Variants in NRXN1 observed in about 807,000 individuals in gnomAD.
NRXN1 encodes neurexin-1.
A neutral mutation model predicts 150.9 loss-of-function variants in NRXN1; 39 were observed. The ratio of observed to expected loss-of-function variants is 0.26; its 90% CI spans 0.20 to 0.34. The LOEUF (loss-of-function observed/expected upper bound fraction) is 0.34, where lower values mean the gene tolerates loss of function less well. NRXN1 is among the 10% of genes least tolerant of loss of function. The pLI is 1.00. For missense variants in NRXN1, 1,815 were observed against 1,949.9 expected (o/e 0.93, Z 1.30); for synonymous variants, 924 against 757.0 (o/e 1.22, Z -3.62).
chr2:50,320,971 C>T (rs978451026), intron 17 of NRXN1, among the ~76,000 whole-genome samples: 1 of 152,156 alleles, frequency 6.6e-6, no homozygotes, highest in Non-Finnish European at 1.5e-5. Context: ...GTAGGAAAAT[C>T]TGTGGTGGCA....
chr2:50,859,536 C>T (rs1050997770), intron 5 of NRXN1, among the ~76,000 whole-genome samples: 1 of 150,292 alleles, frequency 6.7e-6, no homozygotes, highest in Non-Finnish European at 1.5e-5. Flanking sequence ...TCTCCTAAGT[C>T]TTTTTTGAGG....
chr2:50,466,465 C>A (rs566265764), intron 16 of NRXN1: 16 of 473,730 alleles, frequency 3.4e-5, no homozygotes, highest in African/African-American at 2.6e-4. Context: ...ATCTACCTTG[C>A]AAGTCAGCTT....
At chr2:50,754,666 G>A (rs912478127) in intron 5 of NRXN1, among the ~76,000 whole-genome samples, 3 of 151,590 alleles carry the variant, frequency 2.0e-5, no homozygotes, top group Non-Finnish European at 3.0e-5. Context: ...CCACTCTGCC[G>A]AAAGCTTCCA....
intron 21 of NRXN1, among the ~76,000 whole-genome samples, chr2:50,038,660 G>C (rs1438115803): frequency 6.6e-6 from 1 of 151,976 alleles, no homozygotes; most frequent in African/African-American, 2.4e-5. Context: ...TGCCTAATTT[G>C]GGGATAATTT....
At chr2:51,015,497 C>T (rs1206550995) in intron 2 of NRXN1, among the ~76,000 whole-genome samples, 2 of 151,878 alleles carry the variant, frequency 1.3e-5, no homozygotes, top group African/African-American at 2.4e-5. Flanking sequence ...TCTTTATTGC[C>T]AAGAACCTCT....
At chr2:50,013,211 G>A (rs1401312055) in intron 21 of NRXN1, among the ~76,000 whole-genome samples, 1 of 150,478 alleles carries the variant, frequency 6.6e-6, no homozygotes, top group African/African-American at 2.4e-5. Flanking sequence ...AGAAGAAGGA[G>A]ATTTGTAAAT....
At chr2:50,034,194 T>C (rs1038160246) in intron 21 of NRXN1, among the ~76,000 whole-genome samples, 12 of 152,050 alleles carry the variant, frequency 7.9e-5, no homozygotes, top group African/African-American at 2.9e-4. Context: ...CATGCACACA[T>C]ATGTTCATTG....
At chr2:50,041,809 A>T (rs1691013298) in intron 21 of NRXN1, among the ~76,000 whole-genome samples, 1 of 152,196 alleles carries the variant, frequency 6.6e-6, no homozygotes, top group East Asian at 1.9e-4. Context: ...GACCATTAAC[A>T]ATGCCCCTCC....
intron 5 of NRXN1, among the ~76,000 whole-genome samples, chr2:50,845,716 G>A (rs1298031798): frequency 6.6e-6 from 1 of 152,086 alleles, no homozygotes; most frequent in African/African-American, 2.4e-5. Flanking sequence ...AAAGAAGCAA[G>A]GGCTGAAATA....
At chr2:50,555,374 G>A (rs1433748899) in intron 8 of NRXN1, among the ~76,000 whole-genome samples, 2 of 152,094 alleles carry the variant, frequency 1.3e-5, no homozygotes, top group African/African-American at 2.4e-5. Flanking sequence ...CTAAGTCTGG[G>A]CAAGGATTTC....
At chr2:50,482,336 G>A (rs2090537534) in intron 15 of NRXN1, among the ~76,000 whole-genome samples, 1 of 152,158 alleles carries the variant, frequency 6.6e-6, no homozygotes, top group Admixed American at 6.5e-5. Flanking sequence ...ATAAATCCAT[G>A]CCAAGCTAAC....
At chr2:50,312,772 T>A (rs774705518) in intron 17 of NRXN1, 2 of 516,074 alleles carry the variant, frequency 3.9e-6, no homozygotes, top group Admixed American at 3.9e-5. Context: ...TTCAGCTACT[T>A]CATTTATCAC....
At chr2:50,872,990 G>T (rs1192930551) in intron 5 of NRXN1, among the ~76,000 whole-genome samples, 1 of 151,452 alleles carries the variant, frequency 6.6e-6, no homozygotes, top group Non-Finnish European at 1.5e-5. Context: ...GGCAAAGCAA[G>T]ACCCTGTCTC....
rs938115479 is a variant in NRXN1, at chr2:50,618,188, G to A, written c.1320+1834C>T. On this transcript the variant is annotated intron_variant, in intron 8 of 22. Coordinates refer to ENST00000401669, the MANE Select transcript of NRXN1 (RefSeq NM_001330078.2). Reference sequence around the variant, plus strand: ...AGTTGGTACAGGTGATTGGGGATGCGGCTCTGCCCTCCACTTTCCATCCCT... The same window carrying A: ...AGTTGGTACAGGTGATTGGGGATGCAGCTCTGCCCTCCACTTTCCATCCCT... 7.9e-5 allele frequency among the ~76,000 whole-genome samples: 12 copies of A among 152,220 alleles called. 1 individual carries two copies. The highest frequency in any genetic ancestry group is 3.9e-4 in the East Asian group (2 of 5,154).
intron 8 of NRXN1, among the ~76,000 whole-genome samples, chr2:50,587,830 G>T (rs2351767): frequency 0.47 from 71,163 of 151,652 alleles, 17,096 homozygotes; most frequent in East Asian, 0.81. Context: ...AAGAATCAAT[G>T]TTGATGGTTT....
At chr2:50,085,387 C>A (rs1385595516) in intron 19 of NRXN1, among the ~76,000 whole-genome samples, 1 of 152,030 alleles carries the variant, frequency 6.6e-6, no homozygotes, top group East Asian at 1.9e-4. Flanking sequence ...TCAGTTTCCA[C>A]AAGACTTATA....
chr2:50,554,120 C>A (rs1667894375), intron 8 of NRXN1, among the ~76,000 whole-genome samples: 1 of 152,014 alleles, frequency 6.6e-6, no homozygotes, highest in Admixed American at 6.6e-5. Context: ...CATTGCTAGA[C>A]TCTAGATTTA....
chr2:50,734,778 G>C (rs17502019), intron 5 of NRXN1, among the ~76,000 whole-genome samples: 2,478 of 151,098 alleles, frequency 0.016, 47 homozygotes, highest in Non-Finnish European at 0.025. Flanking sequence ...ACTCTGTGTT[G>C]GCTAAAATGG....
At chr2:50,004,805 G>A (rs758214032) in intron 21 of NRXN1, among the ~76,000 whole-genome samples, 3 of 152,118 alleles carry the variant, frequency 2.0e-5, no homozygotes, top group African/African-American at 4.8e-5. Context: ...ACAGTGGTAG[G>A]TTATTCACAT....
Sources: gnomAD v4.1 joint callset for allele counts (sites outside exome capture counted in the v4.1 genomes callset) on GRCh38, gnomAD v4.1.1 for gene constraint, MANE v1.5 for transcripts, NCBI Gene and HGNC (gene_info 2026-07-23, HGNC 2026-07-21) for gene names.